The following PIAS2 variants were observed in gnomAD, a reference collection of about 807,000 sequenced individuals.
PIAS2 encodes E3 SUMO-protein ligase PIAS2.
PIAS2 carries 19 observed loss-of-function variants against 69.7 expected under a neutral mutation model. That is an observed-to-expected ratio of 0.27 (90% CI 0.19 to 0.40). The LOEUF is 0.40. Ranked by LOEUF, PIAS2 falls within the 10% of genes least tolerant of loss-of-function variation. PIAS2 has a pLI of 1.00. For synonymous variants in PIAS2, 261 were observed against 263.2 expected (o/e 0.99, Z 0.08); for missense variants, 624 against 757.0 (o/e 0.82, Z 2.06).
At chr18:46,918,702 G>A (rs1175957004), upstream of PIAS2, among the ~76,000 whole-genome samples, 3 of 152,118 alleles carry the variant, frequency 2.0e-5, no homozygotes. Context: ...GATTACAGGC[G>A]TGAGCCACTG....
chr18:46,860,866 T>C (rs2048553795), intron 3 of PIAS2, among the ~76,000 whole-genome samples: 1 of 151,988 alleles, frequency 6.6e-6, no homozygotes, highest in Admixed American at 6.6e-5. Context: ...AGTCCTAGCT[T>C]CTTGTGGGGC....
At chr18:46,813,107 T>C (rs981538145) in intron 13 of PIAS2, among the ~76,000 whole-genome samples, 3 of 152,178 alleles carry the variant, frequency 2.0e-5, no homozygotes, top group Admixed American at 1.3e-4. Context: ...AATGATGGCA[T>C]TGGACTCCTT....
At chr18:46,916,121 T>C (rs2057845652) in intron 1 of PIAS2, among the ~76,000 whole-genome samples, 1 of 152,184 alleles carries the variant, frequency 6.6e-6, no homozygotes. Context: ...AATAATTATT[T>C]TTGAAACAGC....
Position 46,896,944 on chromosome 18 carries a change from A to C in PIAS2, c.25-5890T>G, listed in dbSNP as rs756524084. Among the ~76,000 whole-genome samples, 17 of 152,216 alleles carry C rather than the reference A, an allele frequency of 1.1e-4. No individual in the cohort carries two copies. The South Asian group carries it at 2.5e-3, about 22-fold the overall frequency. ...ATGTATAAAATTATACAATATATGG[A>C]GTTTCCTTTCAAATAATTTGGGGGA... is the stretch of plus-strand genomic sequence containing the variant. On this transcript the variant is annotated intron_variant, in intron 1 of 13. Transcript: ENST00000585916.
intron 9 of PIAS2, among the ~76,000 whole-genome samples, chr18:46,834,157 A>G (rs761446474): frequency 1.3e-5 from 2 of 152,212 alleles, no homozygotes; most frequent in African/African-American, 2.4e-5. Context: ...GAACAACTGC[A>G]CAACTGGAAA....
chr18:46,917,145 T>TCCC, intron 1 of PIAS2, 177 bp downstream of exon 1: 14 of 1,030,222 alleles, frequency 1.4e-5, no homozygotes, highest in Non-Finnish European at 1.6e-5. Flanking sequence ...CCGCGTGCCC[T>TCCC]CCGCCGGCCC....
intron 3 of PIAS2, among the ~76,000 whole-genome samples, chr18:46,858,761 T>C (rs953859083): frequency 6.6e-6 from 1 of 152,144 alleles, no homozygotes; most frequent in African/African-American, 2.4e-5. Flanking sequence ...CACTGAGTGA[T>C]ATTCACACAT....
chr18:46,890,540 A>T, intron 2 of PIAS2, 40 bp downstream of exon 2: 1 of 1,215,602 alleles, frequency 8.2e-7, no homozygotes, highest in Non-Finnish European at 1.2e-6. Flanking sequence ...CATTTCATTT[A>T]CTATCTTGTT....
At chr18:46,821,352 CAAATAG>C (rs1205233955) in intron 11 of PIAS2, among the ~76,000 whole-genome samples, 1 of 152,076 alleles carries the variant, frequency 6.6e-6, no homozygotes, top group East Asian at 1.9e-4. Context: ...CTTCCATCCA[CAAATAG>C]AAATAGACAT....
At chr18:46,855,090 G>A (rs2145432878) in intron 5 of PIAS2, among the ~76,000 whole-genome samples, 1 of 115,340 alleles carries the variant, frequency 8.7e-6, no homozygotes, top group Middle Eastern at 7.5e-3. Context: ...AACACAGTAG[G>A]ACCTTGTCTC....
At chr18:46,866,098 G>C (rs1169392211) in intron 2 of PIAS2, among the ~76,000 whole-genome samples, 1 of 152,070 alleles carries the variant, frequency 6.6e-6, no homozygotes, top group Non-Finnish European at 1.5e-5. Flanking sequence ...TCTAAAGTAA[G>C]TACAAATGGA....
At chr18:46,908,912 GAC>G (rs1436375082) in intron 1 of PIAS2, among the ~76,000 whole-genome samples, 1 of 152,132 alleles carries the variant, frequency 6.6e-6, no homozygotes, top group Non-Finnish European at 1.5e-5. Context: ...AGAAGTCTGA[GAC>G]AGGAGAATCT....
chr18:46,857,120 C>T (rs1308785695), intron 3 of PIAS2, among the ~76,000 whole-genome samples: 6 of 152,224 alleles, frequency 3.9e-5, no homozygotes. Context: ...GTTTCCACTG[C>T]TCCCACTGTT....
In PIAS2 at chr18:46,844,103, G is replaced by A; in HGVS notation, c.992C>T (p.Pro331Leu). The change falls in exon 8 of 14, where the codon CCT becomes CTT. Residue 331 changes from proline (P) to leucine (L), a missense_variant. By Grantham distance (98) the Pro-to-Leu change is moderately conservative. This residue lies in a region of PIAS2 where 339 missense variants were observed against 408.8 expected (regional missense o/e 0.83). Transcript: ENST00000585916. ...ALIKEKLTADPDSEIATTSLR... is the reference protein window; with the variant it reads ...ALIKEKLTADLDSEIATTSLR... Reference sequence around the variant, plus strand: ...GCTAGTTGTAGCAATTTCACTATCAGGATCTGCAGTAAGTTTTTCTTTAAC... The same window carrying A: ...GCTAGTTGTAGCAATTTCACTATCAAGATCTGCAGTAAGTTTTTCTTTAAC... 5.9e-6 allele frequency: 9 copies of A among 1,514,694 alleles called. No homozygotes were observed. Among genetic ancestry groups the A allele is most frequent in the Non-Finnish European group, 8.0e-6 (9 of 1,131,262 alleles). 93.8% of individuals were successfully genotyped at this position (1,514,694 alleles called of 1,614,324 possible).
In PIAS2 at chr18:46,809,964, C is replaced by T. The variant is rs910218006; in HGVS notation, c.*2469G>A. 1 of 152,046 alleles carries T rather than the reference C, an allele frequency of 6.6e-6. No homozygotes were observed. Among genetic ancestry groups the T allele is most frequent in the Non-Finnish European group, 1.5e-5 (1 of 68,024 alleles). 9.4% of individuals were successfully genotyped at this position (152,046 alleles called of 1,614,324 possible). A position where few individuals can be genotyped will look rare whatever the true frequency, so the allele number is the denominator to read the frequency against. ...GGGTCTGGATAAGAAACAGTGACCA[C>T]ATTAAAGGCTGACGGATTAATAATC... On this transcript the variant is annotated 3_prime_UTR_variant, in exon 14 of 14. Coordinates refer to ENST00000585916, the MANE Select transcript of PIAS2 (RefSeq NM_004671.5).
chr18:46,845,941 T>C (rs531498925), intron 6 of PIAS2, among the ~76,000 whole-genome samples: 2 of 152,302 alleles, frequency 1.3e-5, no homozygotes, highest in South Asian at 2.1e-4. Context: ...CTGCTATAAA[T>C]AATGCCTCAA....
intron 1 of PIAS2, among the ~76,000 whole-genome samples, chr18:46,904,431 T>G (rs917604275): frequency 4.6e-5 from 7 of 152,002 alleles, no homozygotes. Context: ...ATTTTTTAAA[T>G]TAGGCAAAAC....
At chr18:46,813,727 A>C (rs1038070132) in intron 13 of PIAS2, among the ~76,000 whole-genome samples, 1 of 152,196 alleles carries the variant, frequency 6.6e-6, no homozygotes, top group Non-Finnish European at 1.5e-5. Context: ...TGCCAGCCAG[A>C]GGGACAGCAA....
chr18:46,820,850 A>G (rs2042092727), intron 12 of PIAS2, 83 bp downstream of exon 12: 1 of 1,388,112 alleles, frequency 7.2e-7, no homozygotes, highest in East Asian at 2.4e-5. Flanking sequence ...TGAAAATTTC[A>G]AAACTATACT....
Sources: allele counts gnomAD v4.1 joint callset (sites outside exome capture counted in the v4.1 genomes callset), GRCh38; gene constraint gnomAD v4.1.1; regional missense constraint gnomAD v4.1.1; transcripts MANE v1.5; gene names NCBI Gene and HGNC (gene_info 2026-07-23, HGNC 2026-07-21).